Variants in NXF1 observed in about 807,000 individuals in gnomAD.
NXF1 encodes the protein nuclear RNA export factor 1, also known as mRNA export factor TAP.
NXF1 carries 43 observed loss-of-function variants against 92.4 expected under a neutral mutation model. The ratio of observed to expected loss-of-function variants is 0.47; its 90% CI spans 0.36 to 0.60. NXF1 has a LOEUF of 0.60. Among genes scored for constraint, NXF1 ranks in the 20% least tolerant of loss-of-function variants. NXF1 has a pLI of 0.00. For synonymous variants in NXF1, 288 were observed against 292.2 expected (o/e 0.99, Z 0.15); for missense variants, 576 against 793.0 (o/e 0.73, Z 3.29).
intron 10 of NXF1, 189 bp from the exon 11 acceptor site, chr11:62,798,764 A>G: frequency 7.1e-7 from 1 of 1,414,748 alleles, no homozygotes; most frequent in Non-Finnish European, 9.2e-7. Flanking sequence ...CCAGACATGG[A>G]CTGCCTTGAA....
Position 62,801,140 on chromosome 11 carries a change from A to G in NXF1, c.860T>C (p.Val287Ala), listed in dbSNP as rs1458842418. ...GATCTTCAGGTTGGGTGCCTTCTGAACAATGCTAGACATGTCATCCAGCCT... is the reference window on the plus strand; with the variant it reads ...GATCTTCAGGTTGGGTGCCTTCTGAGCAATGCTAGACATGTCATCCAGCCT... ...LYRLDDMSSIVQKAPNLKILN... is the reference protein window; with the variant it reads ...LYRLDDMSSIAQKAPNLKILN... The change falls in exon 9 of 21, where the codon GTT (valine) becomes GCT (alanine). Residue 287 changes from valine (V) to alanine (A), a missense_variant. Physicochemically the swap from Val to Ala is moderately conservative, Grantham distance 64. Coordinates refer to ENST00000294172, the MANE Select transcript of NXF1 (RefSeq NM_006362.5). 6.2e-7 allele frequency: 1 copy of G among 1,614,188 alleles called. No homozygotes were observed.
intron 3 of NXF1, 42 bp from the exon 4 acceptor site, chr11:62,802,302 G>A (rs761240108): frequency 3.2e-6 from 5 of 1,540,010 alleles, no homozygotes; most frequent in Non-Finnish European, 4.5e-6. Context: ...TGATAAGTAA[G>A]GCTGAATAGC....
At position 62,803,563 on chromosome 11, in the gene NXF1, A is replaced by G. The variant is rs1489170870; in HGVS notation, c.225T>C (p.Tyr75=). 1 of 1,614,024 alleles carries G rather than the reference A, an allele frequency of 6.2e-7. No homozygotes were observed. Among genetic ancestry groups the G allele is most frequent in the Admixed American group, 1.7e-5 (1 of 60,000 alleles). Residue 75 remains tyrosine, a synonymous_variant, in exon 3 of 21, where the codon TAT becomes TAC. Transcript: ENST00000294172. ...QDGPRVRYNP[Y]TTRPNRRGDT... is the part of the protein sequence containing the mutation. ...CACCCCGACGGTTAGGTCGGGTGGT[A>G]TAGGGGTTGCTGTGGGTAAGCAGAG...
intron 6 of NXF1, 43 bp from the exon 7 acceptor site, chr11:62,801,674 T>TG (rs775877324): frequency 1.9e-6 from 3 of 1,594,058 alleles, no homozygotes; most frequent in Admixed American, 1.7e-5. Flanking sequence ...GGTTTGTGTG[T>TG]GGGGGGTGGG....
chr11:62,798,397 G>A lies in NXF1; in HGVS notation c.1053+142C>T, dbSNP rs1374586982. The stretch of plus-strand genomic sequence containing the variant: ...TGCGGTGAGCTGAAATCATGCTGTT[G>A]CACTCCAGCCTGGGCGACGAGTGAA... On this transcript the variant is annotated intron_variant, in intron 11 of 20. Transcript: ENST00000294172. The A allele has an allele frequency of 5.7e-6, 7 of 1,236,426 alleles. No individual in the cohort carries two copies. The East Asian group carries it at 1.6e-4, about 28-fold the overall frequency. The allele number at this position is 1,236,426 out of a possible 1,614,324, so 76.6% of individuals were successfully genotyped here.
At chr11:62,803,651 C>G (rs2084503540) in intron 2 of NXF1, 79 bp from the exon 3 acceptor site, 71 of 1,571,012 alleles carry the variant, frequency 4.5e-5, no homozygotes, top group Non-Finnish European at 5.9e-5. Context: ...GTTAGTGGGA[C>G]TACAACTAAG....
Position 62,792,399 on chromosome 11 carries a change from G to T in NXF1, c.*77C>A. The stretch of plus-strand genomic sequence containing the variant: ...GGGGCGGCCTCGGGCCAGACAGGAG[G>T]AGATGACAGACGACAACCAGACGGT... On this transcript the variant is annotated 3_prime_UTR_variant, in exon 21 of 21. Transcript: ENST00000294172. The T allele has an allele frequency of 1.3e-6, 2 of 1,571,714 alleles. No individual in the cohort carries two copies. Among genetic ancestry groups the T allele is most frequent in the South Asian group, 2.2e-5 (2 of 90,284 alleles).
chr11:62,805,283 C>T (rs766038689), intron 1 of NXF1, 46 bp downstream of exon 1: 1 of 1,577,300 alleles, frequency 6.3e-7, no homozygotes, highest in South Asian at 1.2e-5. Flanking sequence ...GCGCCGCCCA[C>T]CCGCGCCCCA....
At chr11:62,798,825 C>T (rs1355006240) in intron 10 of NXF1, 1 of 1,308,888 alleles carries the variant, frequency 7.6e-7, no homozygotes, top group East Asian at 3.1e-5. Flanking sequence ...AGCAGTACTC[C>T]AAGCCCAGGC....
chr11:62,804,175 A>C, intron 1 of NXF1, 197 bp from the exon 2 acceptor site: 8 of 1,529,890 alleles, frequency 5.2e-6, no homozygotes, highest in Non-Finnish European at 7.0e-6. Flanking sequence ...AAGTTACTGG[A>C]AAACTGTGTA....
intron 2 of NXF1, 65 bp downstream of exon 2, chr11:62,803,727 G>A (rs2084504363): frequency 6.4e-7 from 1 of 1,562,426 alleles, no homozygotes. Context: ...AAATGACATG[G>A]ACAGTAAAAG....
Position 62,800,416 on chromosome 11 carries a change from G to C in NXF1, c.977C>G (p.Ser326Cys). 6 of 1,614,056 alleles carry C rather than the reference G, an allele frequency of 3.7e-6. No individual in the cohort carries two copies. The highest frequency in any genetic ancestry group is 5.1e-6 in the Non-Finnish European group (6 of 1,180,000). The change falls in exon 10 of 21, where the codon TCC becomes TGC. Residue 326 changes from serine (S) to cysteine (C), a missense_variant. Ser to Cys is a moderately radical substitution (Grantham distance 112). Transcript: ENST00000294172. ...KLEELWLDGN[S>C]LCDTFRDQST... Reference sequence around the variant, plus strand: ...CTGGTCTCGGAAGGTGTCACACAGGGAGTTTCCATCGAGCCAGAGCTCTTC... The same window carrying C: ...CTGGTCTCGGAAGGTGTCACACAGGCAGTTTCCATCGAGCCAGAGCTCTTC...
At chr11:62,804,083 A>G (rs752046592) in intron 1 of NXF1, 105 bp from the exon 2 acceptor site, 2 of 1,593,830 alleles carry the variant, frequency 1.3e-6, no homozygotes, top group Non-Finnish European at 1.7e-6. Context: ...GATACATACT[A>G]ACGACAGAGG....
chr11:62,798,507 T>C (rs371572466), intron 11 of NXF1, 32 bp downstream of exon 11: 4 of 1,612,982 alleles, frequency 2.5e-6, no homozygotes, highest in African/African-American at 2.7e-5. Flanking sequence ...AGAGATGCTG[T>C]GCTTGTTAGA....
In NXF1 at chr11:62,800,360, C is replaced by G. The variant is rs982568722; in HGVS notation, c.1016+17G>C. On this transcript the variant is annotated intron_variant, in intron 10 of 20. Transcript: ENST00000294172. The stretch of plus-strand genomic sequence containing the variant: ...GGGTGAAGGTCCCCAGGAGGGGAGA[C>G]ACAGGCTACAACTGACCTGATGTAG... 6 of 1,613,926 alleles carry G rather than the reference C, an allele frequency of 3.7e-6. No homozygotes were observed. The highest frequency in any genetic ancestry group is 1.3e-5 in the African/African-American group (1 of 75,008).
chr11:62,797,150 C>T (rs374423285), intron 13 of NXF1, 33 bp downstream of exon 13: 71 of 1,604,460 alleles, frequency 4.4e-5, no homozygotes, highest in African/African-American at 4.2e-4. Flanking sequence ...CCCTCAACCT[C>T]GGGGTGGGGA....
At chr11:62,798,103 G>A (rs970260473) in intron 11 of NXF1, among the ~76,000 whole-genome samples, 8 of 147,526 alleles carry the variant, frequency 5.4e-5, no homozygotes, top group Non-Finnish European at 3.0e-5. Context: ...ACTGCACTCT[G>A]GGTAACAGAG....
At position 62,803,894 on chromosome 11, in the gene NXF1, C is replaced by A; in HGVS notation, c.113G>T (p.Arg38Leu). ...PFRWKYGEGNRRSGRGGSGIR... is the reference protein window; with the variant it reads ...PFRWKYGEGNLRSGRGGSGIR... ...ACCAGAACCGCCTCTTCCAGACCTACGGTTTCCTTCACCATATTTCCACCG... is the reference window on the plus strand; with the variant it reads ...ACCAGAACCGCCTCTTCCAGACCTAAGGTTTCCTTCACCATATTTCCACCG... Residue 38 changes from arginine (R) to leucine (L), a missense_variant, in exon 2 of 21, where the codon CGT (arginine) becomes CTT (leucine). This residue lies in a region of NXF1 where 151 missense variants were observed against 157.8 expected (regional missense o/e 0.96). Coordinates refer to ENST00000294172, the MANE Select transcript of NXF1 (RefSeq NM_006362.5). The A allele has an allele frequency of 6.2e-7, 1 of 1,614,222 alleles. No individual in the cohort carries two copies.
At chr11:62,796,849 A>C (rs890211982) in intron 13 of NXF1, 43 of 535,628 alleles carry the variant, frequency 8.0e-5, no homozygotes, top group Non-Finnish European at 1.3e-4. Context: ...CAGGTGGATC[A>C]TGAGGTCAGG....
Sources: allele counts gnomAD v4.1 joint callset (sites outside exome capture counted in the v4.1 genomes callset), GRCh38; gene constraint gnomAD v4.1.1; regional missense constraint gnomAD v4.1.1; transcripts MANE v1.5; gene names NCBI Gene and HGNC (gene_info 2026-07-23, HGNC 2026-07-21).